The following GLMN variants were observed in gnomAD, a reference collection of about 807,000 sequenced individuals.
The protein encoded by GLMN is glomulin.
Under a neutral mutation model 87.8 loss-of-function variants are expected in GLMN, and 75 were observed. The ratio of observed to expected loss-of-function variants is 0.85; its 90% CI spans 0.71 to 1.04. The LOEUF (loss-of-function observed/expected upper bound fraction) is 1.04. GLMN is among the 50% of genes least tolerant of loss of function. The pLI is 0.00. For synonymous variants in GLMN, 206 were observed against 221.6 expected, an observed-to-expected ratio of 0.93 and a Z score of 0.63; for missense variants, 588 against 658.8, an observed-to-expected ratio of 0.89 and a Z score of 1.18.
chr1:92,334,956 C>A, the GLMN span, among the ~76,000 whole-genome samples: 3 of 151,996 alleles, frequency 2.0e-5, no homozygotes, highest in Non-Finnish European at 4.4e-5. Flanking sequence ...CCACTGCACT[C>A]CAGCCTGAGC....
intron 6 of GLMN, among the ~76,000 whole-genome samples, chr1:92,288,440 T>C (rs1185368515): frequency 2.6e-5 from 4 of 152,176 alleles, no homozygotes; most frequent in Admixed American, 2.6e-4. Context: ...TATTAATTAA[T>C]TTCTTAAAGA....
chr1:92,350,832 T>C, the GLMN span, among the ~76,000 whole-genome samples: 2 of 152,084 alleles, frequency 1.3e-5, no homozygotes, highest in South Asian at 4.1e-4. Context: ...CTCTGGAGGC[T>C]GAGGCAGGAA....
the GLMN span, among the ~76,000 whole-genome samples, chr1:92,360,312 A>G: frequency 6.6e-6 from 1 of 152,226 alleles, no homozygotes; most frequent in African/African-American, 2.4e-5. Context: ...GTAACCTTCA[A>G]GAAAGCAGTT....
intron 16 of GLMN, among the ~76,000 whole-genome samples, chr1:92,256,535 A>G (rs554576533): frequency 2.0e-5 from 3 of 152,380 alleles, no homozygotes; most frequent in Non-Finnish European, 2.9e-5. Context: ...ATATAGCAGC[A>G]CATCAAAAAG....
chr1:92,253,049 G>A (rs1236856436), intron 16 of GLMN, among the ~76,000 whole-genome samples: 1 of 152,114 alleles, frequency 6.6e-6, no homozygotes, highest in African/African-American at 2.4e-5. Flanking sequence ...ACAAGACCCA[G>A]GTTTCCCCTT....
At chr1:92,293,800 T>C (rs554998733) in intron 3 of GLMN, among the ~76,000 whole-genome samples, 50 of 152,164 alleles carry the variant, frequency 3.3e-4, no homozygotes, top group Non-Finnish European at 5.4e-4. Flanking sequence ...CATCCTGTCA[T>C]TTGCAATAAC....
intron 16 of GLMN, among the ~76,000 whole-genome samples, chr1:92,259,434 G>A (rs1307671008): frequency 1.3e-5 from 2 of 152,088 alleles, no homozygotes; most frequent in African/African-American, 2.4e-5. Context: ...GAAATAGTAG[G>A]GTGAGGAAGG....
In GLMN at chr1:92,266,485, T is replaced by G. The variant is rs1655645836; in HGVS notation, c.1148A>C (p.Lys383Thr). ...TLCPIETLRKKSLAMLQLYIN... is the reference protein window; with the variant it reads ...TLCPIETLRKTSLAMLQLYIN... ...ATACAGCTGAAGCATAGCTAAACTC[T>G]TTTTCCTCTAAAATGGAACAAACAA... Residue 383 changes from lysine to threonine, a missense_variant, in exon 13 of 19, where the codon AAG (lysine) becomes ACG (threonine). Physicochemically the swap from Lys to Thr is moderately conservative, Grantham distance 78. Transcript: ENST00000370360. The G allele has an allele frequency of 6.4e-7, 1 of 1,552,556 alleles. No homozygotes were observed. Among genetic ancestry groups the G allele is most frequent in the Non-Finnish European group, 8.9e-7 (1 of 1,125,498 alleles).
chr1:92,355,049 C>T, the GLMN span, among the ~76,000 whole-genome samples: 5 of 151,920 alleles, frequency 3.3e-5, no homozygotes, highest in African/African-American at 1.2e-4. Context: ...CAGGCACATG[C>T]TACCATACCC....
intron 16 of GLMN, among the ~76,000 whole-genome samples, chr1:92,261,676 T>C (rs1334605483): frequency 6.6e-6 from 1 of 152,188 alleles, no homozygotes. Context: ...CACTTAAAAT[T>C]TGAACATTTC....
chr1:92,253,045 C>G (rs888170742), intron 16 of GLMN, among the ~76,000 whole-genome samples: 2 of 152,184 alleles, frequency 1.3e-5, no homozygotes, highest in Non-Finnish European at 1.5e-5. Context: ...ATGAACAAGA[C>G]CCAGGTTTCC....
the GLMN span, among the ~76,000 whole-genome samples, chr1:92,354,805 T>A: frequency 1.3e-5 from 2 of 151,828 alleles, no homozygotes; most frequent in Non-Finnish European, 2.9e-5. Context: ...TTAATGGTAC[T>A]AACCTCACAT....
the GLMN span, among the ~76,000 whole-genome samples, chr1:92,321,491 T>C: frequency 6.6e-6 from 1 of 151,984 alleles, no homozygotes; most frequent in Non-Finnish European, 1.5e-5. Flanking sequence ...TTTCTTTACA[T>C]TTCCCCACAG....
At chr1:92,318,486 C>CT in the GLMN span, among the ~76,000 whole-genome samples, 2 of 152,004 alleles carry the variant, frequency 1.3e-5, no homozygotes, top group African/African-American at 4.8e-5. Context: ...TTTTTCCCAC[C>CT]TTTTTTTTCT....
At chr1:92,360,810 C>T in the GLMN span, among the ~76,000 whole-genome samples, 2 of 152,074 alleles carry the variant, frequency 1.3e-5, no homozygotes, top group Non-Finnish European at 2.9e-5. Context: ...TGTTAATTTT[C>T]ATTACTGTTA....
At chr1:92,353,956 T>C in the GLMN span, among the ~76,000 whole-genome samples, 40 of 152,312 alleles carry the variant, frequency 2.6e-4, 1 homozygote, top group African/African-American at 9.6e-4. Flanking sequence ...AGTTTTATAA[T>C]GCTACTCTTT....
chr1:92,271,237 T>C (rs977281534), intron 8 of GLMN, among the ~76,000 whole-genome samples: 11 of 152,208 alleles, frequency 7.2e-5, no homozygotes, highest in Admixed American at 3.3e-4. Context: ...ATCTTCTGAT[T>C]CTTGTCCCCA....
chr1:92,321,065 T>C, the GLMN span, among the ~76,000 whole-genome samples: 1 of 152,242 alleles, frequency 6.6e-6, no homozygotes, highest in Non-Finnish European at 1.5e-5. Flanking sequence ...TGTGATTTTC[T>C]TTCTAAACTT....
intron 16 of GLMN, among the ~76,000 whole-genome samples, chr1:92,253,883 G>A (rs1430042018): frequency 1.3e-5 from 2 of 152,176 alleles, no homozygotes; most frequent in Non-Finnish European, 2.9e-5. Flanking sequence ...ACAACTCCTT[G>A]CCAGCAAGGG....
Sources: allele counts gnomAD v4.1 joint callset (sites outside exome capture counted in the v4.1 genomes callset), GRCh38; gene constraint gnomAD v4.1.1; transcripts MANE v1.5; gene names NCBI Gene and HGNC (gene_info 2026-07-23, HGNC 2026-07-21).